ARID1B: variants seen among roughly 807,000 people sequenced by gnomAD.
The protein encoded by ARID1B is AT-rich interaction domain 1B, also known as AT-rich interactive domain-containing protein 1B.
A neutral mutation model predicts 212.3 loss-of-function variants in ARID1B; 30 were observed. The ratio of observed to expected loss-of-function variants is 0.14; its 90% CI spans 0.11 to 0.19. ARID1B has a LOEUF of 0.19. Among genes scored for constraint, ARID1B ranks in the 10% least tolerant of loss-of-function variants. The probability of loss-of-function intolerance (pLI) is 1.00; values close to 1 mark genes in which losing one functional copy is unlikely to be tolerated. For synonymous variants in ARID1B, 1,402 were observed against 1,301.7 expected (o/e 1.08, Z -1.66); for missense variants, 2,891 against 3,204.0 (o/e 0.90, Z 2.36).
rs183995684 is a variant in ARID1B at position 157,124,403 on chromosome 6, G to A, written c.2582-8625G>A. Reference sequence around the variant, plus strand: ...AACAATAGCAGTATGCTAACTGCACGGCCACAGCTAACATACGTGGTGCTT... The same window carrying A: ...AACAATAGCAGTATGCTAACTGCACAGCCACAGCTAACATACGTGGTGCTT... On this transcript the variant is annotated intron_variant, in intron 6 of 19. Transcript: ENST00000636930. 1.5e-3 allele frequency among the ~76,000 whole-genome samples: 236 copies of A among 152,294 alleles called. 1 individual carries two copies. Among genetic ancestry groups the A allele is most frequent in the African/African-American group, 5.2e-3 (218 of 41,552 alleles).
At chr6:156,869,560 A>G (rs971469453) in intron 2 of ARID1B, among the ~76,000 whole-genome samples, 3 of 152,246 alleles carry the variant, frequency 2.0e-5, no homozygotes, top group African/African-American at 7.2e-5. Flanking sequence ...AGGAAGTCTC[A>G]GTGACCTATA....
chr6:156,778,871 CGGAGGAGGAGGAGGCAGCGGA>C lies in ARID1B; in HGVS notation c.1206_1226del (p.Ser403_Gly409del). On this transcript the variant is annotated inframe_deletion, in exon 1 of 20. Coordinates refer to ENST00000636930, the MANE Select transcript of ARID1B (RefSeq NM_001374828.1). ...CGGGCGGCGGCGGCGGCGGCGGCGGCGGAGGAGGAGGAGGCAGCGGAGGAGGAGGAGGAGGAGGAGGAGCAG... is the reference window on the plus strand; with the variant it reads ...CGGGCGGCGGCGGCGGCGGCGGCGGCGGAGGAGGAGGAGGAGGAGGAGCAG... 8.2e-6 allele frequency: 11 copies of C among 1,340,200 alleles called. No homozygotes were observed. Among genetic ancestry groups the C allele is most frequent in the African/African-American group, 1.6e-5 (1 of 63,628 alleles). The allele number at this position is 1,340,200 out of a possible 1,614,324, so 83.0% of individuals were successfully genotyped here.
At chr6:157,054,618 A>C (rs78590901) in intron 4 of ARID1B, among the ~76,000 whole-genome samples, 1 of 152,124 alleles carries the variant, frequency 6.6e-6, no homozygotes, top group African/African-American at 2.4e-5. Flanking sequence ...TTTTTGTTCT[A>C]TGTCTGAGGA....
chr6:156,934,358 A>T (rs1791986458), intron 3 of ARID1B, among the ~76,000 whole-genome samples: 1 of 152,164 alleles, frequency 6.6e-6, no homozygotes, highest in Admixed American at 6.5e-5. Context: ...GTGGTGTGGT[A>T]TTTGGGTTAT....
chr6:156,851,109 A>G (rs1462574208), intron 2 of ARID1B, among the ~76,000 whole-genome samples: 2 of 152,168 alleles, frequency 1.3e-5, no homozygotes, highest in Admixed American at 1.3e-4. Context: ...GAACACTGCT[A>G]ATTTACATGA....
chr6:156,957,152 A>T (rs1383342012), intron 4 of ARID1B, among the ~76,000 whole-genome samples: 1 of 152,246 alleles, frequency 6.6e-6, no homozygotes. Context: ...CATGTAGGCC[A>T]GGAACCAAGA....
In ARID1B at chr6:156,834,190, C is replaced by T. The variant is rs552174305; in HGVS notation, c.1986+4769C>T. On this transcript the variant is annotated intron_variant, in intron 2 of 19. Transcript: ENST00000636930. ...ACTTAAAAATTCCAGAGTTTTTCAT[C>T]ATGAAATGTTTATTATGATTCAATC... Among the ~76,000 whole-genome samples the T allele has an allele frequency of 5.3e-5, 8 of 152,224 alleles. No individual in the cohort carries two copies. In the South Asian group the frequency reaches 1.5e-3, roughly 28 times the overall value.
At chr6:156,891,705 T>G (rs1787934290) in intron 2 of ARID1B, among the ~76,000 whole-genome samples, 1 of 151,952 alleles carries the variant, frequency 6.6e-6, no homozygotes, top group Admixed American at 6.5e-5. Flanking sequence ...TCTATAGTAT[T>G]TTATTGAATC....
intron 1 of ARID1B, among the ~76,000 whole-genome samples, chr6:156,814,860 C>A (rs902658018): frequency 4.6e-5 from 7 of 151,924 alleles, no homozygotes; most frequent in African/African-American, 1.7e-4. Context: ...GTTCTGTACT[C>A]CTCATTTTTT....
chr6:156,802,161 A>G (rs1344275857), intron 1 of ARID1B, among the ~76,000 whole-genome samples: 3 of 152,240 alleles, frequency 2.0e-5, no homozygotes, highest in African/African-American at 7.2e-5. Context: ...CAGAAAAATC[A>G]CAGCCCTTCT....
chr6:156,823,185 G>A (rs1782485355), intron 1 of ARID1B, among the ~76,000 whole-genome samples: 1 of 152,136 alleles, frequency 6.6e-6, no homozygotes, highest in South Asian at 2.1e-4. Context: ...CCGGGCCATG[G>A]ATTCTTTACT....
intron 1 of ARID1B, among the ~76,000 whole-genome samples, chr6:156,807,143 C>A (rs114676727): frequency 6.9e-6 from 1 of 145,254 alleles, no homozygotes; most frequent in Admixed American, 6.9e-5. Context: ...TGTGCACCCC[C>A]CCACGCCCCA....
At chr6:157,185,746 G>A (rs1042487831) in intron 13 of ARID1B, 2 of 152,234 alleles carry the variant, frequency 1.3e-5, no homozygotes, top group African/African-American at 2.4e-5. Flanking sequence ...TCTAGCTGCT[G>A]TCTGGATGGC....
Position 157,138,774 on chromosome 6 carries a change from T to C in ARID1B, c.2761+5567T>C, listed in dbSNP as rs1292035968. ...TTGATAAGGCCACAGCTTCTTCTTA[T>C]CTTAACCTTGTTTTTTGGTTAAATC... On this transcript the variant is annotated intron_variant, in intron 7 of 19. Transcript: ENST00000636930. 2.6e-5 allele frequency among the ~76,000 whole-genome samples: 4 copies of C among 152,244 alleles called. No individual in the cohort carries two copies. The East Asian group carries it at 7.7e-4, about 29-fold the overall frequency.
At chr6:156,968,272 G>A (rs1467632789) in intron 4 of ARID1B, among the ~76,000 whole-genome samples, 1 of 152,084 alleles carries the variant, frequency 6.6e-6, no homozygotes, top group Non-Finnish European at 1.5e-5. Context: ...TGTTCATTTT[G>A]CCATTTTACA....
intron 2 of ARID1B, among the ~76,000 whole-genome samples, chr6:156,836,128 G>A (rs1442170445): frequency 1.3e-5 from 2 of 152,062 alleles, no homozygotes; most frequent in African/African-American, 2.4e-5. Flanking sequence ...TCCCTTCAGC[G>A]CTCCTTGGAA....
Position 156,847,432 on chromosome 6 carries a change from G to A in ARID1B, c.1986+18011G>A, listed in dbSNP as rs62435824. ...GAAAGGGTCTCCCAGCTGTGTTTAGGACCCAGCGAATGGGAGATCTGAAGT... is the reference window on the plus strand; with the variant it reads ...GAAAGGGTCTCCCAGCTGTGTTTAGAACCCAGCGAATGGGAGATCTGAAGT... On this transcript the variant is annotated intron_variant, in intron 2 of 19. Coordinates refer to ENST00000636930, the MANE Select transcript of ARID1B (RefSeq NM_001374828.1). Among the ~76,000 whole-genome samples, 640 of 152,264 alleles carry A rather than the reference G, an allele frequency of 4.2e-3. 2 individuals are homozygous for A. The highest frequency in any genetic ancestry group is 8.9e-3 in the South Asian group (43 of 4,826).
chr6:156,971,882 C>A (rs1776955631), intron 4 of ARID1B, among the ~76,000 whole-genome samples: 1 of 152,114 alleles, frequency 6.6e-6, no homozygotes, highest in African/African-American at 2.4e-5. Context: ...CTCAGAGTCC[C>A]TTGACCTTTG....
intron 2 of ARID1B, among the ~76,000 whole-genome samples, chr6:156,893,161 G>A (rs1201501606): frequency 6.7e-6 from 1 of 149,154 alleles, no homozygotes. Context: ...TCCTGCCTTA[G>A]CCTCCTGAGC....
Sources: gnomAD v4.1 joint callset for allele counts (sites outside exome capture counted in the v4.1 genomes callset) on GRCh38, gnomAD v4.1.1 for gene constraint, MANE v1.5 for transcripts, NCBI Gene and HGNC (gene_info 2026-07-23, HGNC 2026-07-21) for gene names.